The following SPINK13 variants were observed in gnomAD, a reference collection of about 807,000 sequenced individuals.
The protein encoded by SPINK13 is serine peptidase inhibitor Kazal type 13, also known as serine protease inhibitor Kazal-type 13.
Under a neutral mutation model 11.0 loss-of-function variants are expected in SPINK13, and 11 were observed. The ratio of observed to expected loss-of-function variants is 1.00; its 90% CI spans 0.63 to 1.65. SPINK13 has a LOEUF of 1.65. Ranked by LOEUF, SPINK13 falls within the 40% of genes most tolerant of loss-of-function variation. SPINK13 has a pLI of 0.00. For missense variants in SPINK13, 113 were observed against 117.7 expected, an observed-to-expected ratio of 0.96 and a Z score of 0.19; for synonymous variants, 31 against 35.6, an observed-to-expected ratio of 0.87 and a Z score of 0.46.
chr5:148,281,987 T>C (rs1756522583), intron 3 of SPINK13, 117 bp from the exon 4 acceptor site: 6 of 1,404,762 alleles, frequency 4.3e-6, no homozygotes, highest in East Asian at 2.4e-5. Flanking sequence ...GAATCCTTGA[T>C]AAGATCAATT....
At chr5:148,282,346 C>A in intron 4 of SPINK13, 115 bp downstream of exon 4, 2 of 1,297,114 alleles carry the variant, frequency 1.5e-6, no homozygotes, top group Non-Finnish European at 2.1e-6. Flanking sequence ...AAAAAAATAG[C>A]CTCATTATTT....
chr5:148,271,570 C>T (rs960671654), intron 2 of SPINK13, among the ~76,000 whole-genome samples: 1 of 151,834 alleles, frequency 6.6e-6, no homozygotes, highest in Non-Finnish European at 1.5e-5. Flanking sequence ...TTATACACAT[C>T]ATGGAAAATA....
rs1010059259 is a variant in SPINK13 at position 148,282,335 on chromosome 5, T to TA, written c.236+111dup. ...GGGTTTTACTGATGCATACTTTTTT[T>TA]AAAAAAATAGCCTCATTATTTACAA... On this transcript the variant is annotated intron_variant, in intron 4 of 4. Coordinates refer to ENST00000398450, the MANE Select transcript of SPINK13 (RefSeq NM_001040129.3). 2.0e-4 allele frequency: 282 copies of TA among 1,379,522 alleles called. 1 individual carries two copies. Among genetic ancestry groups the TA allele is most frequent in the African/African-American group, 9.7e-4 (66 of 68,294 alleles). The allele number at this position is 1,379,522 out of a possible 1,614,324, so 85.5% of individuals were successfully genotyped here. A position where few individuals can be genotyped will look rare whatever the true frequency, so the allele number is the denominator to read the frequency against.
chr5:148,286,093 T>C lies in SPINK13; in HGVS notation c.*45T>C, dbSNP rs781123627. 5.0e-6 allele frequency: 6 copies of C among 1,211,434 alleles called. No homozygotes were observed. Among genetic ancestry groups the C allele is most frequent in the Non-Finnish European group, 6.9e-6 (6 of 871,930 alleles). 75.0% of individuals were successfully genotyped at this position (1,211,434 alleles called of 1,614,324 possible). The stretch of plus-strand genomic sequence containing the variant: ...ACTTGCTTATTCTTTTTCTACTTAA[T>C]TCAGAATAGTATTTCTTTTAGAGTG... On this transcript the variant is annotated 3_prime_UTR_variant, in exon 5 of 5. Coordinates refer to ENST00000398450, the MANE Select transcript of SPINK13 (RefSeq NM_001040129.3).
At chr5:148,279,955 A>G (rs1756488610) in intron 3 of SPINK13, among the ~76,000 whole-genome samples, 1 of 152,106 alleles carries the variant, frequency 6.6e-6, no homozygotes, top group South Asian at 2.1e-4. Flanking sequence ...ACATAGTCCC[A>G]TATTTCTTGG....
intron 2 of SPINK13, among the ~76,000 whole-genome samples, chr5:148,271,513 CTT>C (rs1315680353): frequency 6.6e-6 from 1 of 152,052 alleles, no homozygotes; most frequent in Admixed American, 6.6e-5. Flanking sequence ...CATTCTAAAT[CTT>C]GTGTCCATTC....
intron 3 of SPINK13, among the ~76,000 whole-genome samples, chr5:148,281,784 A>G (rs1360760404): frequency 2.0e-5 from 3 of 152,230 alleles, no homozygotes; most frequent in Admixed American, 6.5e-5. Flanking sequence ...TATTCTGACC[A>G]ATGACACTTG....
At chr5:148,285,073 CAA>C (rs907472254) in intron 4 of SPINK13, among the ~76,000 whole-genome samples, 1 of 152,146 alleles carries the variant, frequency 6.6e-6, no homozygotes, top group Non-Finnish European at 1.5e-5. Flanking sequence ...ATGCAGATTT[CAA>C]ACTTGCTTAG....
intron 2 of SPINK13, 26 bp downstream of exon 2, chr5:148,270,168 G>T (rs746710847): frequency 6.3e-7 from 1 of 1,599,562 alleles, no homozygotes; most frequent in South Asian, 1.1e-5. Flanking sequence ...GGTTTTGGGA[G>T]ATAAACTCTG....
intron 4 of SPINK13, 117 bp from the exon 5 acceptor site, chr5:148,285,883 G>A: frequency 3.7e-6 from 2 of 547,512 alleles, no homozygotes; most frequent in African/African-American, 2.0e-5. Flanking sequence ...GGATGTAAAG[G>A]GAATTTAAAA....
At chr5:148,283,852 C>T (rs1450957921) in intron 4 of SPINK13, among the ~76,000 whole-genome samples, 2 of 152,184 alleles carry the variant, frequency 1.3e-5, no homozygotes, top group African/African-American at 4.8e-5. Flanking sequence ...GTAAGAGGGT[C>T]TTGCTGATAA....
rs1007987499 is a variant in SPINK13 at position 148,270,021 on chromosome 5, A to G, written c.-33-19A>G. On this transcript the variant is annotated intron_variant, in intron 1 of 4. Coordinates refer to ENST00000398450, the MANE Select transcript of SPINK13 (RefSeq NM_001040129.3). ...CTAGCTGTGGGGGAAACTAAAAACA[A>G]TCTTGGGCATGTTCACAGGCCTTAT... The G allele has an allele frequency of 3.8e-6, 6 of 1,579,822 alleles. No homozygotes were observed. The highest frequency in any genetic ancestry group is 5.2e-6 in the Non-Finnish European group (6 of 1,150,026).
intron 3 of SPINK13, 89 bp downstream of exon 3, chr5:148,274,473 C>T (rs552604220): frequency 1.5e-4 from 164 of 1,060,030 alleles, no homozygotes; most frequent in Non-Finnish European, 2.1e-4. Context: ...GAAAGTCAGG[C>T]ACAGTGGCTC....
chr5:148,278,164 T>G (rs893209621), intron 3 of SPINK13, among the ~76,000 whole-genome samples: 4 of 152,174 alleles, frequency 2.6e-5, no homozygotes, highest in African/African-American at 9.7e-5. Context: ...TCTTCCCTCT[T>G]TTCTTCTTAG....
intron 3 of SPINK13, among the ~76,000 whole-genome samples, chr5:148,274,982 A>G (rs1756403778): frequency 1.3e-5 from 2 of 152,164 alleles, no homozygotes; most frequent in African/African-American, 4.8e-5. Context: ...ACCGTGGTAA[A>G]TCCAGGGTTT....
chr5:148,277,489 G>A (rs1756448880), intron 3 of SPINK13, among the ~76,000 whole-genome samples: 2 of 152,116 alleles, frequency 1.3e-5, no homozygotes, highest in South Asian at 2.1e-4. Context: ...AGCATGAAGG[G>A]GTGTTGAATT....
chr5:148,280,472 G>A (rs1010712152), intron 3 of SPINK13, among the ~76,000 whole-genome samples: 3 of 152,040 alleles, frequency 2.0e-5, no homozygotes, highest in Admixed American at 6.6e-5. Context: ...GAGTTTTTGC[G>A]TGGTCATCCT....
At chr5:148,273,844 C>A (rs1756384941) in intron 2 of SPINK13, among the ~76,000 whole-genome samples, 1 of 152,176 alleles carries the variant, frequency 6.6e-6, no homozygotes, top group Admixed American at 6.5e-5. Context: ...CCAGGCAACA[C>A]CAGCACCCCT....
At position 148,271,914 on chromosome 5, in the gene SPINK13, C is replaced by T. The variant is rs543128773; in HGVS notation, c.70+1772C>T. 3.9e-5 allele frequency among the ~76,000 whole-genome samples: 6 copies of T among 152,296 alleles called. No homozygotes were observed. In the East Asian group the frequency reaches 5.8e-4, roughly 15 times the overall value. On this transcript the variant is annotated intron_variant, in intron 2 of 4. Transcript: ENST00000398450. The stretch of plus-strand genomic sequence containing the variant: ...CTGGGATTACAGGCGTGAGCCACCA[C>T]GCCTGGCCTATTATTAGGACTTTGT...
Sources: allele counts gnomAD v4.1 joint callset (sites outside exome capture counted in the v4.1 genomes callset), GRCh38; gene constraint gnomAD v4.1.1; transcripts MANE v1.5; gene names NCBI Gene and HGNC (gene_info 2026-07-23, HGNC 2026-07-21).